The following PCDHGA1 variants were observed in gnomAD, a reference collection of about 807,000 sequenced individuals.
PCDHGA1 encodes protocadherin gamma subfamily A, 1.
A neutral mutation model predicts 58.0 loss-of-function variants in PCDHGA1; 32 were observed. That is an observed-to-expected ratio of 0.55 (90% CI 0.42 to 0.74). PCDHGA1 has a LOEUF of 0.74. Among genes scored for constraint, PCDHGA1 ranks in the 30% least tolerant of loss-of-function variants. PCDHGA1 has a pLI of 0.00. For missense variants in PCDHGA1, 1,205 were observed against 1,182.3 expected (o/e 1.02, Z -0.28); for synonymous variants, 498 against 501.1 (o/e 0.99, Z 0.08).
In PCDHGA1 at chr5:141,426,211, G is replaced by A. The variant is rs184669298; in HGVS notation, c.2422-68596G>A. On this transcript the variant is annotated intron_variant, in intron 1 of 3. Coordinates refer to ENST00000517417, the MANE Select transcript of PCDHGA1 (RefSeq NM_018912.3). ...TGGGAGCATTGAGTTTTCTATGTAT[G>A]GAAGTAAATATTTTAAAAGCACTTT... The A allele has an allele frequency of 7.7e-4, 121 of 157,870 alleles. 1 individual carries two copies. The highest frequency in any genetic ancestry group is 7.4e-4 in the South Asian group (4 of 5,398). 9.8% of individuals were successfully genotyped at this position (157,870 alleles called of 1,614,324 possible). A position where few individuals can be genotyped will look rare whatever the true frequency, so the allele number is the denominator to read the frequency against.
chr5:141,375,314 G>T, intron 1 of PCDHGA1: 2 of 1,613,798 alleles, frequency 1.2e-6, no homozygotes, highest in Non-Finnish European at 1.7e-6. Flanking sequence ...TGCAGCTCTA[G>T]ACCGGGAAGA....
intron 1 of PCDHGA1, chr5:141,364,200 A>G: frequency 8.9e-7 from 1 of 1,126,004 alleles, no homozygotes; most frequent in Non-Finnish European, 1.2e-6. Flanking sequence ...CACACAGACC[A>G]GACAAGCTCC....
At chr5:141,450,829 A>ATT (rs373424450) in intron 1 of PCDHGA1, among the ~76,000 whole-genome samples, 8,685 of 135,030 alleles carry the variant, frequency 0.064, 328 homozygotes, top group South Asian at 0.088. Context: ...TATTATTATT[A>ATT]TTTTTTTTTT....
intron 1 of PCDHGA1, among the ~76,000 whole-genome samples, chr5:141,469,821 G>A (rs2099212107): frequency 6.6e-6 from 1 of 152,028 alleles, no homozygotes; most frequent in Admixed American, 6.6e-5. Flanking sequence ...TAGAATGGAG[G>A]TCACATAAAA....
chr5:141,384,962 A>G (rs1303034041), intron 1 of PCDHGA1: 1 of 1,613,130 alleles, frequency 6.2e-7, no homozygotes, highest in East Asian at 2.2e-5. Flanking sequence ...TACAACTATG[A>G]CCTCACGTTG....
chr5:141,381,698 C>A (rs1251060336), intron 1 of PCDHGA1, among the ~76,000 whole-genome samples: 1 of 152,046 alleles, frequency 6.6e-6, no homozygotes, highest in Non-Finnish European at 1.5e-5. Flanking sequence ...ACAACGATTT[C>A]TTTCTTTTTT....
chr5:141,392,977 AC>A (rs1561639344), intron 1 of PCDHGA1: 1 of 1,613,678 alleles, frequency 6.2e-7, no homozygotes, highest in South Asian at 1.1e-5. Flanking sequence ...CTGGGGCTGG[AC>A]CCCCGGAAGC....
intron 1 of PCDHGA1, among the ~76,000 whole-genome samples, chr5:141,448,784 C>CAA (rs576464275): frequency 4.8e-5 from 7 of 145,806 alleles, no homozygotes; most frequent in East Asian, 2.0e-4. Context: ...ACTAAAAATA[C>CAA]AAAAAAAAAA....
At chr5:141,349,823 G>T (rs1368268423) in intron 1 of PCDHGA1, among the ~76,000 whole-genome samples, 1 of 152,012 alleles carries the variant, frequency 6.6e-6, no homozygotes, top group African/African-American at 2.4e-5. Flanking sequence ...GAAAAAAATG[G>T]CAGTGTACCT....
intron 1 of PCDHGA1, chr5:141,407,992 G>A (rs929571955): frequency 4.3e-5 from 37 of 851,508 alleles, no homozygotes; most frequent in Middle Eastern, 3.7e-4. Context: ...GTCAGCCTCT[G>A]GCCTGGGATT....
rs774467828 is a variant in PCDHGA1, at chr5:141,340,942, T to C, written c.2421+7837T>C. 5.0e-6 allele frequency: 8 copies of C among 1,613,728 alleles called. No individual in the cohort carries two copies. The East Asian group carries it at 1.6e-4, about 31-fold the overall frequency. On this transcript the variant is annotated intron_variant, in intron 1 of 3. Transcript: ENST00000517417. ...ACGGCCAGCCCCCTCTCTCCGCCACTGTCACGCTCACCGTGGCCGTGGCCG... is the reference window on the plus strand; with the variant it reads ...ACGGCCAGCCCCCTCTCTCCGCCACCGTCACGCTCACCGTGGCCGTGGCCG...
intron 1 of PCDHGA1, chr5:141,382,773 T>C: frequency 1.3e-6 from 1 of 782,328 alleles, no homozygotes; most frequent in Non-Finnish European, 2.0e-6. Context: ...CAGGCTGCAC[T>C]AAACTCAAGC....
chr5:141,330,787 G>T lies in PCDHGA1; in HGVS notation c.103G>T (p.Val35Leu), dbSNP rs762830369. ...TGGGGCTGGGAATATTCACTACTCAGTGCCGGAAGAGACAGACAAAGGTTC... is the reference window on the plus strand; with the variant it reads ...TGGGGCTGGGAATATTCACTACTCATTGCCGGAAGAGACAGACAAAGGTTC... The part of the protein sequence containing the change: ...EAGAGNIHYS[V>L]PEETDKGSFV... Residue 35 changes from valine (V) to leucine (L), a missense_variant, in exon 1 of 4, where the codon GTG becomes TTG. Transcript: ENST00000517417. 2.5e-6 allele frequency: 4 copies of T among 1,614,210 alleles called. No individual in the cohort carries two copies. Among genetic ancestry groups the T allele is most frequent in the Non-Finnish European group, 2.5e-6 (3 of 1,180,036 alleles).
At chr5:141,333,308 C>A in intron 1 of PCDHGA1, 1 of 812,684 alleles carries the variant, frequency 1.2e-6, no homozygotes, top group Non-Finnish European at 1.9e-6. Flanking sequence ...GAAAAGGAGA[C>A]TGTGATCATA....
chr5:141,354,680 T>C (rs1484161704), intron 1 of PCDHGA1, among the ~76,000 whole-genome samples: 3 of 152,232 alleles, frequency 2.0e-5, no homozygotes, highest in Admixed American at 2.0e-4. Flanking sequence ...GAGATAATTA[T>C]GTCCCTCACA....
chr5:141,371,692 C>A (rs1172182153), intron 1 of PCDHGA1: 1 of 1,614,048 alleles, frequency 6.2e-7, no homozygotes, highest in South Asian at 1.1e-5. Flanking sequence ...CCACCGCTCT[C>A]CTCCAGCAAG....
intron 1 of PCDHGA1, among the ~76,000 whole-genome samples, chr5:141,359,694 G>T (rs4912605): frequency 0.056 from 8,471 of 151,988 alleles, 245 homozygotes; most frequent in African/African-American, 0.071. Flanking sequence ...ACATATCTCC[G>T]GAAGGATACC....
Position 141,375,311 on chromosome 5 carries a change from C to G in PCDHGA1, c.2421+42206C>G, listed in dbSNP as rs367639660. On this transcript the variant is annotated intron_variant, in intron 1 of 3. Transcript: ENST00000517417. ...TTATCGATTAGTGACAAATGCAGCTCTAGACCGGGAAGAGGTATTCTTGTA... is the reference window on the plus strand; with the variant it reads ...TTATCGATTAGTGACAAATGCAGCTGTAGACCGGGAAGAGGTATTCTTGTA... The G allele has an allele frequency of 2.0e-5, 32 of 1,613,730 alleles. No individual in the cohort carries two copies. The Middle Eastern group carries it at 4.9e-4, about 25-fold the overall frequency.
intron 1 of PCDHGA1, among the ~76,000 whole-genome samples, chr5:141,436,531 G>T (rs1365651055): frequency 6.6e-6 from 1 of 152,152 alleles, no homozygotes; most frequent in African/African-American, 2.4e-5. Context: ...CCTTTAGCAA[G>T]TTATTTAATC....
Sources: gnomAD v4.1 joint callset for allele counts (sites outside exome capture counted in the v4.1 genomes callset) on GRCh38, gnomAD v4.1.1 for gene constraint, MANE v1.5 for transcripts, NCBI Gene and HGNC (gene_info 2026-07-23, HGNC 2026-07-21) for gene names.